Variants in SV2C observed in about 807,000 individuals in gnomAD.
The protein encoded by SV2C is solute carrier family 22 member B3.
A neutral mutation model predicts 79.7 loss-of-function variants in SV2C; 49 were observed. The ratio of observed to expected loss-of-function variants is 0.61; its 90% confidence interval spans 0.49 to 0.78. The LOEUF is 0.78. Ranked by LOEUF, SV2C falls within the 30% of genes least tolerant of loss-of-function variation. The pLI is 0.00. For synonymous variants in SV2C, 334 were observed against 333.2 expected (o/e 1.00, Z -0.03); for missense variants, 833 against 912.9 (o/e 0.91, Z 1.13).
At chr5:76,347,743 C>T (rs932502110) in intron 12 of SV2C, among the ~76,000 whole-genome samples, 2 of 152,180 alleles carry the variant, frequency 1.3e-5, no homozygotes, top group Non-Finnish European at 2.9e-5. Context: ...GTGCCCGGTC[C>T]TAGCTATGTT....
the SV2C span, among the ~76,000 whole-genome samples, chr5:75,965,489 A>C: frequency 1.3e-5 from 2 of 152,176 alleles, no homozygotes; most frequent in African/African-American, 4.8e-5. Context: ...TGTGACACAC[A>C]GTGAAAAGAC....
At chr5:75,877,932 G>C in the SV2C span, among the ~76,000 whole-genome samples, 4 of 140,402 alleles carry the variant, frequency 2.8e-5, no homozygotes, top group African/African-American at 9.0e-5. Context: ...CGAATGCAGG[G>C]AGTGATAGAA....
chr5:75,943,463 C>T, the SV2C span, among the ~76,000 whole-genome samples: 94 of 152,256 alleles, frequency 6.2e-4, no homozygotes, highest in Middle Eastern at 6.8e-3. Flanking sequence ...TTCTCTTCTT[C>T]AGCTTACTCT....
intron 12 of SV2C, among the ~76,000 whole-genome samples, chr5:76,348,606 C>T (rs1749587515): frequency 1.3e-5 from 2 of 152,194 alleles, no homozygotes; most frequent in African/African-American, 4.8e-5. Context: ...TTTCACTGCC[C>T]ACTTAACTCA....
chr5:76,302,535 C>T (rs1030118463), intron 12 of SV2C, among the ~76,000 whole-genome samples: 1 of 148,478 alleles, frequency 6.7e-6, no homozygotes, highest in African/African-American at 2.5e-5. Flanking sequence ...GAGGCTAAGG[C>T]ACGAGAATGG....
chr5:76,232,756 C>T (rs1302747233), intron 4 of SV2C, among the ~76,000 whole-genome samples: 5 of 140,836 alleles, frequency 3.6e-5, no homozygotes, highest in East Asian at 2.0e-4. Flanking sequence ...TGTAGATATG[C>T]GGCATTATTT....
At chr5:75,908,053 A>T in the SV2C span, among the ~76,000 whole-genome samples, 2 of 150,272 alleles carry the variant, frequency 1.3e-5, no homozygotes, top group African/African-American at 4.9e-5. Context: ...AACGTGACTT[A>T]AAAAAAAAAT....
chr5:75,942,573 A>G, the SV2C span, among the ~76,000 whole-genome samples: 1 of 152,144 alleles, frequency 6.6e-6, no homozygotes, highest in Non-Finnish European at 1.5e-5. Flanking sequence ...AAAATAAATG[A>G]ACTTATGTAA....
intron 12 of SV2C, among the ~76,000 whole-genome samples, chr5:76,307,365 C>T (rs563429334): frequency 7.2e-5 from 11 of 152,236 alleles, no homozygotes; most frequent in African/African-American, 2.2e-4. Context: ...AAGCAGATAG[C>T]CCTTTCAAAG....
downstream of SV2C, among the ~76,000 whole-genome samples, chr5:76,338,067 G>C (rs537794011): frequency 1.3e-5 from 2 of 152,334 alleles, no homozygotes; most frequent in East Asian, 3.9e-4. Flanking sequence ...TTGTTCGGTG[G>C]GGAGAGCAAA....
At chr5:76,101,646 C>T (rs1747745819) in intron 1 of SV2C, among the ~76,000 whole-genome samples, 1 of 152,144 alleles carries the variant, frequency 6.6e-6, no homozygotes. Context: ...ATGTCAGGGA[C>T]AGTGACTGCT....
At chr5:76,256,987 C>T (rs1473861023) in intron 4 of SV2C, among the ~76,000 whole-genome samples, 6 of 152,324 alleles carry the variant, frequency 3.9e-5, no homozygotes, top group South Asian at 4.1e-4. Flanking sequence ...TCTTTTTCTT[C>T]CTTTCATTTT....
At chr5:76,046,750 G>T in the SV2C span, among the ~76,000 whole-genome samples, 1 of 152,192 alleles carries the variant, frequency 6.6e-6, no homozygotes, top group Non-Finnish European at 1.5e-5. Flanking sequence ...AAAGGAGGTG[G>T]CTGAGGCTCA....
chr5:76,255,448 G>A (rs1046739935), intron 4 of SV2C, among the ~76,000 whole-genome samples: 3 of 152,148 alleles, frequency 2.0e-5, no homozygotes, highest in African/African-American at 7.2e-5. Flanking sequence ...GTCCATGGTT[G>A]TCCCTTTCCT....
intron 2 of SV2C, among the ~76,000 whole-genome samples, chr5:76,135,316 C>T (rs775262917): frequency 3.3e-5 from 5 of 152,204 alleles, no homozygotes; most frequent in Non-Finnish European, 7.3e-5. Flanking sequence ...GGCTATTCCC[C>T]ATTTGAGCTG....
rs59644660 is a variant in SV2C, at chr5:76,257,263, A to ATGTG, written c.914-27875_914-27872dup. 3.3e-4 allele frequency among the ~76,000 whole-genome samples: 44 copies of ATGTG among 134,838 alleles called. No homozygotes were observed. The Middle Eastern group carries it at 0.011, about 35-fold the overall frequency. 88.5% of individuals were successfully genotyped at this position (134,838 alleles called of 152,430 possible). A position where few individuals can be genotyped will look rare whatever the true frequency, so the allele number is the denominator to read the frequency against. Reference sequence around the variant, plus strand: ...AGCTCGTGGTGGGGGGCTGTAGTGTATGTGTGTGTGTGTGTGTGTGTGTGT... The same window carrying ATGTG: ...AGCTCGTGGTGGGGGGCTGTAGTGTATGTGTGTGTGTGTGTGTGTGTGTGTGTGT... On this transcript the variant is annotated intron_variant, in intron 4 of 12. Coordinates refer to ENST00000502798, the MANE Select transcript of SV2C (RefSeq NM_014979.4).
At chr5:76,291,958 C>A in intron 8 of SV2C, 102 bp downstream of exon 8, 3 of 817,298 alleles carry the variant, frequency 3.7e-6, no homozygotes, top group Non-Finnish European at 3.8e-6. Context: ...ATGCTGTTAA[C>A]CTGCTAAGGA....
intron 8 of SV2C, among the ~76,000 whole-genome samples, chr5:76,295,144 G>A (rs1490812488): frequency 6.6e-6 from 1 of 152,108 alleles, no homozygotes. Context: ...GTAAATAATA[G>A]GAATTTTATT....
intron 1 of SV2C, among the ~76,000 whole-genome samples, chr5:76,097,057 C>G (rs1747589652): frequency 6.6e-6 from 1 of 152,098 alleles, no homozygotes; most frequent in South Asian, 2.1e-4. Context: ...CCTCTTAACC[C>G]TAGACTCAGA....
Sources: allele counts gnomAD v4.1 joint callset (sites outside exome capture counted in the v4.1 genomes callset), GRCh38; gene constraint gnomAD v4.1.1; transcripts MANE v1.5; gene names NCBI Gene and HGNC (gene_info 2026-07-23, HGNC 2026-07-21).